The following ATRNL1 variants were observed in gnomAD, a reference collection of about 807,000 sequenced individuals.
ATRNL1 encodes the protein attractin like 1, also known as attractin-like protein 1.
In ATRNL1, 95 loss-of-function variants were observed where a neutral mutation model predicts 182.7. The ratio of observed to expected loss-of-function variants is 0.52; its 90% CI spans 0.44 to 0.62. The LOEUF is 0.62. Among genes scored for constraint, ATRNL1 ranks in the 20% least tolerant of loss-of-function variants. The pLI is 0.00. For missense variants in ATRNL1, 1,471 were observed against 1,679.5 expected (o/e 0.88, Z 2.17); for synonymous variants, 576 against 568.3 (o/e 1.01, Z -0.19).
At chr10:115,611,004 G>C (rs894170495) in intron 26 of ATRNL1, among the ~76,000 whole-genome samples, 2 of 150,284 alleles carry the variant, frequency 1.3e-5, no homozygotes, top group African/African-American at 4.9e-5. Context: ...CACAAATTTA[G>C]AGTTTCAAAA....
At chr10:115,370,628 T>C (rs1455552124) in intron 19 of ATRNL1, among the ~76,000 whole-genome samples, 1 of 152,230 alleles carries the variant, frequency 6.6e-6, no homozygotes, top group African/African-American at 2.4e-5. Flanking sequence ...AAGAAATTTC[T>C]AAGCAGCAAA....
intron 28 of ATRNL1, among the ~76,000 whole-genome samples, chr10:115,895,894 T>C (rs947148085): frequency 5.3e-5 from 8 of 152,198 alleles, no homozygotes; most frequent in African/African-American, 1.9e-4. Flanking sequence ...GAAGTCAAGA[T>C]ATTAGCAGAC....
At chr10:115,605,354 G>A (rs1201826678) in intron 26 of ATRNL1, among the ~76,000 whole-genome samples, 2 of 151,924 alleles carry the variant, frequency 1.3e-5, no homozygotes, top group Non-Finnish European at 2.9e-5. Context: ...ACTAGATCTT[G>A]ATGATGGAAT....
intron 26 of ATRNL1, among the ~76,000 whole-genome samples, chr10:115,638,853 A>C (rs1333497006): frequency 2.0e-5 from 3 of 152,172 alleles, no homozygotes; most frequent in Admixed American, 6.5e-5. Flanking sequence ...AATAGTATTC[A>C]CTCTGCAGAT....
chr10:115,775,446 C>A (rs1410103016), intron 27 of ATRNL1, among the ~76,000 whole-genome samples: 1 of 152,100 alleles, frequency 6.6e-6, no homozygotes, highest in Non-Finnish European at 1.5e-5. Flanking sequence ...TTGACTTATT[C>A]TTCTGAATTG....
intron 26 of ATRNL1, among the ~76,000 whole-genome samples, chr10:115,621,276 T>TATATATATATATAGAG (rs1268020830): frequency 1.2e-3 from 59 of 47,560 alleles, no homozygotes; most frequent in Non-Finnish European, 1.9e-3. Context: ...TATATATATA[T>TATATATATATATAGAG]AGAGAGAGAG....
Position 115,647,836 on chromosome 10 carries a change from T to C in ATRNL1, c.3796-79412T>C, listed in dbSNP as rs536408727. Among the ~76,000 whole-genome samples, 20 of 152,338 alleles carry C rather than the reference T, an allele frequency of 1.3e-4. No individual in the cohort carries two copies. The South Asian group carries it at 4.1e-3, about 32-fold the overall frequency. ...TTGTCAATTTTGGCTTTTGTTGCCA[T>C]TGCTTTTGGTGTTTTAGTCATGAAG... On this transcript the variant is annotated intron_variant, in intron 26 of 28. Coordinates refer to ENST00000355044, the MANE Select transcript of ATRNL1 (RefSeq NM_207303.4).
chr10:115,157,544 C>T (rs1846580335), intron 5 of ATRNL1, among the ~76,000 whole-genome samples: 1 of 150,824 alleles, frequency 6.6e-6, no homozygotes, highest in Non-Finnish European at 1.5e-5. Context: ...GAACTGCATT[C>T]CCTGCATTCT....
intron 9 of ATRNL1, among the ~76,000 whole-genome samples, chr10:115,236,553 C>T (rs1554901450): frequency 6.6e-6 from 1 of 152,132 alleles, no homozygotes; most frequent in South Asian, 2.1e-4. Context: ...TTTTAATCCC[C>T]ACATTTTTTG....
chr10:115,457,810 C>G (rs571613453), intron 21 of ATRNL1, among the ~76,000 whole-genome samples: 3 of 152,038 alleles, frequency 2.0e-5, no homozygotes, highest in Non-Finnish European at 2.9e-5. Context: ...TTACCTACCT[C>G]AGGGAATAGT....
At chr10:115,527,996 C>G (rs12775254) in intron 25 of ATRNL1, among the ~76,000 whole-genome samples, 1 of 54,022 alleles carries the variant, frequency 1.9e-5, no homozygotes, top group African/African-American at 1.1e-4. Flanking sequence ...CTCCCTCCCT[C>G]CCTTCCTTCC....
intron 1 of ATRNL1, among the ~76,000 whole-genome samples, chr10:115,106,311 T>A (rs1844007857): frequency 6.6e-6 from 1 of 152,198 alleles, no homozygotes; most frequent in Non-Finnish European, 1.5e-5. Flanking sequence ...TATACCCCCA[T>A]TGTATCTAGG....
At chr10:115,753,715 G>C (rs1177374473) in intron 27 of ATRNL1, among the ~76,000 whole-genome samples, 1 of 152,096 alleles carries the variant, frequency 6.6e-6, no homozygotes, top group East Asian at 1.9e-4. Flanking sequence ...TGGGTCAAAT[G>C]GTATTTCTGG....
intron 26 of ATRNL1, among the ~76,000 whole-genome samples, chr10:115,562,039 T>G (rs1204680272): frequency 6.6e-6 from 1 of 152,030 alleles, no homozygotes; most frequent in Non-Finnish European, 1.5e-5. Flanking sequence ...TGAAGAAAAA[T>G]GAAAACGTAG....
At chr10:115,454,916 C>T (rs1847450129) in intron 21 of ATRNL1, among the ~76,000 whole-genome samples, 1 of 152,038 alleles carries the variant, frequency 6.6e-6, no homozygotes, top group Non-Finnish European at 1.5e-5. Context: ...TGCTCTGGAC[C>T]TTACTTCCAA....
chr10:115,888,834 A>G (rs1555110436), intron 28 of ATRNL1, among the ~76,000 whole-genome samples: 2 of 152,322 alleles, frequency 1.3e-5, no homozygotes, highest in East Asian at 1.9e-4. Context: ...AGGCAGCCAC[A>G]AAGCATGGAG....
intron 10 of ATRNL1, among the ~76,000 whole-genome samples, chr10:115,255,409 G>A (rs893485933): frequency 2.8e-4 from 43 of 152,126 alleles, no homozygotes; most frequent in African/African-American, 9.2e-4. Flanking sequence ...ATGGCGAATG[G>A]GAGTTCACTC....
chr10:115,894,641 T>C (rs1310964266), intron 28 of ATRNL1, among the ~76,000 whole-genome samples: 5 of 152,222 alleles, frequency 3.3e-5, no homozygotes, highest in Admixed American at 2.6e-4. Flanking sequence ...GAAATTTTTA[T>C]CATAATTGTT....
intron 27 of ATRNL1, among the ~76,000 whole-genome samples, chr10:115,792,617 T>C (rs1253134150): frequency 6.6e-6 from 1 of 152,122 alleles, no homozygotes; most frequent in African/African-American, 2.4e-5. Context: ...AAACAAAAGT[T>C]GTGGAGCAGT....
Sources: gnomAD v4.1 joint callset for allele counts (sites outside exome capture counted in the v4.1 genomes callset) on GRCh38, gnomAD v4.1.1 for gene constraint, MANE v1.5 for transcripts, NCBI Gene and HGNC (gene_info 2026-07-23, HGNC 2026-07-21) for gene names.